Variants in PPP2R2A observed in about 807,000 individuals in gnomAD.
The protein encoded by PPP2R2A is serine/threonine-protein phosphatase 2A 55 kDa regulatory subunit B alpha isoform.
In PPP2R2A, 9 loss-of-function variants were observed where a neutral mutation model predicts 53.2. The ratio of observed to expected loss-of-function variants is 0.17; its 90% CI spans 0.10 to 0.30. The LOEUF (loss-of-function observed/expected upper bound fraction) is 0.30, where lower values mean the gene tolerates loss of function less well. Among genes scored for constraint, PPP2R2A ranks in the 10% least tolerant of loss-of-function variants. The pLI is 1.00. For synonymous variants in PPP2R2A, 169 were observed against 174.2 expected, an observed-to-expected ratio of 0.97 and a Z score of 0.23; for missense variants, 235 against 534.6, an observed-to-expected ratio of 0.44 and a Z score of 5.53.
intron 2 of PPP2R2A, among the ~76,000 whole-genome samples, chr8:26,336,854 CTT>C (rs770199536): frequency 1.4e-5 from 2 of 141,340 alleles, no homozygotes; most frequent in African/African-American, 2.6e-5. Context: ...GTCAAAAGGC[CTT>C]TTTTTTTTTT....
Position 26,338,862 on chromosome 8 carries a change from CTTTT to C in PPP2R2A, c.83-24_83-21del. The C allele has an allele frequency of 5.4e-6, 8 of 1,473,442 alleles. No individual in the cohort carries two copies. Among genetic ancestry groups the C allele is most frequent in the Non-Finnish European group, 6.6e-6 (7 of 1,065,064 alleles). The allele number at this position is 1,473,442 out of a possible 1,614,324, so 91.3% of individuals were successfully genotyped here. ...TGAGTCGGGAAAGAAAAACTAATAT[CTTTT>C]TTTGTTTTGTCTCAATTATACAGCA... On this transcript the variant is annotated intron_variant, in intron 2 of 9. Transcript: ENST00000380737. This position sits in a 1 kb window ranked among gnomAD's most constrained non-coding sequence, Gnocchi z 4.5.
intron 2 of PPP2R2A, among the ~76,000 whole-genome samples, chr8:26,304,780 A>G (rs983060980): frequency 9.2e-5 from 14 of 152,196 alleles, no homozygotes; most frequent in African/African-American, 3.1e-4. Context: ...ACATGCAAAA[A>G]TGTTTGTTAA....
chr8:26,293,817 C>A, intron 2 of PPP2R2A, 77 bp downstream of exon 2: 1 of 1,256,934 alleles, frequency 8.0e-7, no homozygotes, highest in Non-Finnish European at 1.2e-6. Flanking sequence ...TTCCTTGAAG[C>A]CGAGACTGCT....
At chr8:26,350,196 T>C (rs552362012) in intron 3 of PPP2R2A, among the ~76,000 whole-genome samples, 1 of 152,280 alleles carries the variant, frequency 6.6e-6, no homozygotes, top group Non-Finnish European at 1.5e-5. Flanking sequence ...CCCAAGTAGC[T>C]GGGATTACAG....
rs368218497 is a variant in PPP2R2A, at chr8:26,293,865, G to C, written c.82+125G>C. ...TGATTTTGTTGTCCAAGAAATGTAAGAACAGTTTTAAAAGATACCTTTCTG... is the reference window on the plus strand; with the variant it reads ...TGATTTTGTTGTCCAAGAAATGTAACAACAGTTTTAAAAGATACCTTTCTG... On this transcript the variant is annotated intron_variant, in intron 2 of 9. Coordinates refer to ENST00000380737, the MANE Select transcript of PPP2R2A (RefSeq NM_002717.4). The C allele has an allele frequency of 1.3e-5, 11 of 870,952 alleles. No homozygotes were observed. In the African/African-American group the frequency reaches 1.4e-4, roughly 11 times the overall value. The allele number at this position is 870,952 out of a possible 1,614,324, so 54.0% of individuals were successfully genotyped here.
intron 9 of PPP2R2A, among the ~76,000 whole-genome samples, chr8:26,368,855 C>T (rs1292238224): frequency 1.3e-5 from 2 of 152,038 alleles, no homozygotes; most frequent in Non-Finnish European, 2.9e-5. Context: ...GCCTGTAATC[C>T]CAGCACTTTG....
intron 3 of PPP2R2A, among the ~76,000 whole-genome samples, chr8:26,343,749 A>G (rs1804069511): frequency 6.6e-6 from 1 of 152,234 alleles, no homozygotes; most frequent in African/African-American, 2.4e-5. Context: ...TTCATAATTG[A>G]GTAATATATG....
At chr8:26,311,919 T>C (rs1235991392) in intron 2 of PPP2R2A, among the ~76,000 whole-genome samples, 1 of 151,884 alleles carries the variant, frequency 6.6e-6, no homozygotes, top group East Asian at 1.9e-4. Flanking sequence ...AGGGATGGAG[T>C]TTGGGAACAT....
In PPP2R2A at chr8:26,360,302, T is replaced by A. The variant is rs747548631; in HGVS notation, c.459+21T>A. On this transcript the variant is annotated intron_variant, in intron 5 of 9. Coordinates refer to ENST00000380737, the MANE Select transcript of PPP2R2A (RefSeq NM_002717.4). The surrounding 1 kb of genome is among the most constrained non-coding windows in gnomAD (Gnocchi z 4.5). ...TACGAGTAAGTACATAAGAAAAAAA[T>A]GTCACAGATAGTGCTTGTATTCATA... The A allele has an allele frequency of 2.1e-6, 3 of 1,434,394 alleles. No individual in the cohort carries two copies. The highest frequency in any genetic ancestry group is 2.8e-5 in the African/African-American group (2 of 70,184). The allele number at this position is 1,434,394 out of a possible 1,614,324, so 88.9% of individuals were successfully genotyped here. A position where few individuals can be genotyped will look rare whatever the true frequency, so the allele number is the denominator to read the frequency against.
chr8:26,333,565 G>A, intron 2 of PPP2R2A: 1 of 1,159,566 alleles, frequency 8.6e-7, no homozygotes, highest in Non-Finnish European at 1.1e-6. Context: ...CAACACAAGA[G>A]CTGAGGTATT....
At position 26,312,311 on chromosome 8, in the gene PPP2R2A, G is replaced by C. The variant is rs187394338; in HGVS notation, c.82+18571G>C. ...CTTTATGTGCATGTGAATGTCCTGG[G>C]AATCTGGTTAAAATACAGATGATGA... On this transcript the variant is annotated intron_variant, in intron 2 of 9. Transcript: ENST00000380737. Among the ~76,000 whole-genome samples the C allele has an allele frequency of 1.5e-3, 224 of 152,304 alleles. 2 individuals carry two copies. Among genetic ancestry groups the C allele is most frequent in the African/African-American group, 5.3e-3 (221 of 41,572 alleles).
chr8:26,292,210 A>C (rs1801332572), intron 1 of PPP2R2A: 1 of 1,088,338 alleles, frequency 9.2e-7, no homozygotes, highest in Admixed American at 5.5e-5. Flanking sequence ...GCAGGTCTTC[A>C]TTTAATTTCT....
At chr8:26,291,923 A>G in intron 1 of PPP2R2A, 97 bp downstream of exon 1, 4 of 1,291,394 alleles carry the variant, frequency 3.1e-6, no homozygotes, top group Non-Finnish European at 4.1e-6. Flanking sequence ...GCGCAGAGCC[A>G]CAGGGCGCCC....
Position 26,354,368 on chromosome 8 carries a change from G to T in PPP2R2A, c.181-100G>T. The T allele has an allele frequency of 1.2e-6, 1 of 869,228 alleles. No individual in the cohort carries two copies. Among genetic ancestry groups the T allele is most frequent in the East Asian group, 2.8e-5 (1 of 35,484 alleles). 53.8% of individuals were successfully genotyped at this position (869,228 alleles called of 1,614,324 possible). ...TAATTGTATAAAGACACAACTAATG[G>T]GGTATTGAGAATGTGCAGGGTCCTT... On this transcript the variant is annotated intron_variant, in intron 3 of 9. Transcript: ENST00000380737. The surrounding 1 kb of genome is among the most constrained non-coding windows in gnomAD (Gnocchi z 4.6).
intron 2 of PPP2R2A, among the ~76,000 whole-genome samples, chr8:26,307,545 A>G (rs1016552123): frequency 3.3e-5 from 5 of 152,226 alleles, no homozygotes; most frequent in Admixed American, 6.5e-5. Flanking sequence ...AGTTTTGTTA[A>G]TATTCCTTAA....
At chr8:26,320,433 A>G (rs1339067319) in intron 2 of PPP2R2A, among the ~76,000 whole-genome samples, 1 of 152,164 alleles carries the variant, frequency 6.6e-6, no homozygotes, top group Admixed American at 6.5e-5. Context: ...TACATGATGT[A>G]GGGAACGTTT....
chr8:26,321,939 G>A lies in PPP2R2A; in HGVS notation c.83-16951G>A, dbSNP rs902085498. Among the ~76,000 whole-genome samples the A allele has an allele frequency of 6.6e-6, 1 of 152,174 alleles. No individual in the cohort carries two copies. The highest frequency in any genetic ancestry group is 1.5e-5 in the Non-Finnish European group (1 of 68,040). ...TGAACTTGGTTCTAATGTGTTTTCT[G>A]GTTGAACCCAACACAGTACCCAATA... is the stretch of plus-strand genomic sequence containing the variant. On this transcript the variant is annotated intron_variant, in intron 2 of 9. Transcript: ENST00000380737. This position sits in a 1 kb window ranked among gnomAD's most constrained non-coding sequence, Gnocchi z 4.1.
intron 2 of PPP2R2A, among the ~76,000 whole-genome samples, chr8:26,304,908 T>TA (rs1321619104): frequency 6.6e-6 from 1 of 152,224 alleles, no homozygotes; most frequent in Non-Finnish European, 1.5e-5. Context: ...TTTAGCTACC[T>TA]AATGTTTTTA....
At chr8:26,309,918 G>A (rs1360404448) in intron 2 of PPP2R2A, among the ~76,000 whole-genome samples, 2 of 151,962 alleles carry the variant, frequency 1.3e-5, no homozygotes, top group African/African-American at 4.8e-5. Flanking sequence ...GTATAATGAT[G>A]GAAAAATTGA....
Sources: allele counts gnomAD v4.1 joint callset (sites outside exome capture counted in the v4.1 genomes callset), GRCh38; gene constraint gnomAD v4.1.1; non-coding constraint Gnocchi (gnomAD v3.1); transcripts MANE v1.5; gene names NCBI Gene and HGNC (gene_info 2026-07-23, HGNC 2026-07-21).